The following FHOD3 variants were observed in gnomAD, a reference collection of about 807,000 sequenced individuals.
FHOD3 encodes the protein formin homology 2 domain containing 3.
In FHOD3, 90 loss-of-function variants were observed where a neutral mutation model predicts 173.0. The observed-to-expected ratio is 0.52, with a 90% CI of 0.44 to 0.62. The LOEUF (loss-of-function observed/expected upper bound fraction) is 0.62, where lower values mean the gene tolerates loss of function less well. Ranked by LOEUF, FHOD3 falls within the 20% of genes least tolerant of loss-of-function variation. FHOD3 has a pLI of 0.00. For missense variants in FHOD3, 1,945 were observed against 2,034.7 expected (o/e 0.96, Z 0.85); for synonymous variants, 828 against 823.0 (o/e 1.01, Z -0.10).
At chr18:36,324,126 G>A (rs2044544559) in intron 1 of FHOD3, among the ~76,000 whole-genome samples, 1 of 152,194 alleles carries the variant, frequency 6.6e-6, no homozygotes, top group African/African-American at 2.4e-5. Flanking sequence ...CACATGCAAT[G>A]GGACAAGATT....
At chr18:36,553,476 G>A (rs1002536426) in intron 5 of FHOD3, among the ~76,000 whole-genome samples, 8 of 152,120 alleles carry the variant, frequency 5.3e-5, no homozygotes, top group Non-Finnish European at 1.0e-4. Flanking sequence ...GTAGGCTATT[G>A]ATTATTGCCT....
intron 3 of FHOD3, among the ~76,000 whole-genome samples, chr18:36,466,367 A>T (rs2052939240): frequency 6.6e-6 from 1 of 152,194 alleles, no homozygotes; most frequent in Non-Finnish European, 1.5e-5. Context: ...TGCAGGAGAC[A>T]AGCAAGGAGG....
At chr18:36,741,498 A>C (rs2041901203) in intron 21 of FHOD3, among the ~76,000 whole-genome samples, 1 of 152,162 alleles carries the variant, frequency 6.6e-6, no homozygotes, top group African/African-American at 2.4e-5. Context: ...AGCCAGGTGC[A>C]GTGGCTCACA....
At chr18:36,760,044 C>T (rs2042804042) in intron 26 of FHOD3, among the ~76,000 whole-genome samples, 1 of 152,158 alleles carries the variant, frequency 6.6e-6, no homozygotes, top group Non-Finnish European at 1.5e-5. Context: ...CTTGAAGGGC[C>T]TCAGTTTCCT....
chr18:36,355,415 A>G (rs779446512), intron 1 of FHOD3, 124 bp from the exon 2 acceptor site: 1 of 726,172 alleles, frequency 1.4e-6, no homozygotes, highest in Non-Finnish European at 2.3e-6. Flanking sequence ...TCTTCAAGTT[A>G]TGATCCACAT....
At chr18:36,395,620 TC>T (rs1469935202) in intron 3 of FHOD3, among the ~76,000 whole-genome samples, 1 of 152,216 alleles carries the variant, frequency 6.6e-6, no homozygotes, top group Non-Finnish European at 1.5e-5. Context: ...CATGGAGTTT[TC>T]CAGAACCTCT....
chr18:36,335,427 A>G (rs62084128), intron 1 of FHOD3, among the ~76,000 whole-genome samples: 6 of 151,502 alleles, frequency 4.0e-5, no homozygotes, highest in African/African-American at 1.2e-4. Flanking sequence ...CCCGGGAGGC[A>G]GAGCTTGCAG....
chr18:36,540,958 A>G (rs1355042406), intron 5 of FHOD3, among the ~76,000 whole-genome samples: 1 of 152,210 alleles, frequency 6.6e-6, no homozygotes, highest in Non-Finnish European at 1.5e-5. Context: ...AGATTATTAA[A>G]AGAAATGTTG....
rs2148857875 is a variant in FHOD3 at position 36,630,827 on chromosome 18, A to C, written c.1196+5078A>C. Among the ~76,000 whole-genome samples the C allele has an allele frequency of 2.0e-5, 3 of 152,376 alleles. No individual in the cohort carries two copies. In the Middle Eastern group the frequency reaches 0.01, roughly 518 times the overall value. The stretch of plus-strand genomic sequence containing the variant: ...GCTAATTTTTTTCCATGTAAGTTAC[A>C]CTAGGGTTACAGAAAAATTGACTAA... On this transcript the variant is annotated intron_variant, in intron 10 of 28. Transcript: ENST00000590592.
Position 36,740,649 on chromosome 18 carries a change from T to C in FHOD3, c.3577-7T>C. The stretch of plus-strand genomic sequence containing the variant: ...AGAAAATATACTATATCATCTCCTA[T>C]TTCCAGAAAATTCTAACGATGATTC... On this transcript the variant is annotated splice_region_variant and splice_polypyrimidine_tract_variant and intron_variant, in intron 20 of 28. Transcript: ENST00000590592. 15 of 1,611,026 alleles carry C rather than the reference T, an allele frequency of 9.3e-6. No individual in the cohort carries two copies. Among genetic ancestry groups the C allele is most frequent in the Non-Finnish European group, 1.3e-5 (15 of 1,178,596 alleles).
chr18:36,493,423 G>A (rs1380086973), intron 3 of FHOD3, among the ~76,000 whole-genome samples: 1 of 152,024 alleles, frequency 6.6e-6, no homozygotes, highest in Non-Finnish European at 1.5e-5. Context: ...CTTCCTGGGG[G>A]TTCGTTTGTC....
intron 24 of FHOD3, among the ~76,000 whole-genome samples, chr18:36,749,796 C>A (rs1485935062): frequency 6.6e-6 from 1 of 152,210 alleles, no homozygotes; most frequent in Non-Finnish European, 1.5e-5. Flanking sequence ...TACACTCCCT[C>A]CAACCGAGTA....
intron 5 of FHOD3, among the ~76,000 whole-genome samples, chr18:36,536,653 G>A (rs921644130): frequency 6.6e-6 from 1 of 152,138 alleles, no homozygotes; most frequent in Non-Finnish European, 1.5e-5. Flanking sequence ...AGGCAGAGTG[G>A]GCCTGAACAG....
rs915600221 is a variant in FHOD3, at chr18:36,482,456, C to CG, written c.338-19476_338-19475insG. Among the ~76,000 whole-genome samples, 8 of 151,970 alleles carry CG rather than the reference C, an allele frequency of 5.3e-5. No individual in the cohort carries two copies. The East Asian group carries it at 1.4e-3, about 26-fold the overall frequency. On this transcript the variant is annotated intron_variant, in intron 3 of 28. Coordinates refer to ENST00000590592, the MANE Select transcript of FHOD3 (RefSeq NM_001281740.3). The stretch of plus-strand genomic sequence containing the variant: ...GCAGGGTGACCACTGCGTGACCCCC[C>CG]CGCCCCGCAAGGCATGATTGCTTAG...
At position 36,625,540 on chromosome 18, in the gene FHOD3, G is replaced by A; in HGVS notation, c.987G>A (p.Glu329=). The part of the protein sequence containing the change: ...EVALRHEDGD[E]TTEPPPSGCR... ...CGCTCAGGCACGAGGATGGCGATGA[G>A]ACCACGGAGCCACCCCCCAGTGGGT... is the stretch of plus-strand genomic sequence containing the variant. The change falls in exon 10 of 29, where the codon GAG becomes GAA. Residue 329 remains glutamate (E), a synonymous_variant. Transcript: ENST00000590592. The A allele has an allele frequency of 6.7e-7, 1 of 1,481,648 alleles. No homozygotes were observed. Among genetic ancestry groups the A allele is most frequent in the Non-Finnish European group, 9.1e-7 (1 of 1,104,328 alleles). The allele number at this position is 1,481,648 out of a possible 1,614,324, so 91.8% of individuals were successfully genotyped here. A position where few individuals can be genotyped will look rare whatever the true frequency, so the allele number is the denominator to read the frequency against.
chr18:36,545,880 T>A (rs780581783), intron 5 of FHOD3, among the ~76,000 whole-genome samples: 8 of 152,228 alleles, frequency 5.3e-5, no homozygotes, highest in Non-Finnish European at 8.8e-5. Context: ...AAAATTCTTT[T>A]TAAAAAGTTG....
In FHOD3 at chr18:36,616,303, T is replaced by C. The variant is rs76952441; in HGVS notation, c.957+4208T>C. Among the ~76,000 whole-genome samples, 157 of 152,304 alleles carry C rather than the reference T, an allele frequency of 1.0e-3. 2 individuals carry two copies. In the East Asian group the frequency reaches 0.019, roughly 19 times the overall value. ...CAGATGACCACAGATTTGGATTCCA[T>C]AGGGTCACTGTATATTCAGAGGCCA... On this transcript the variant is annotated intron_variant, in intron 9 of 28. Transcript: ENST00000590592.
chr18:36,760,799 C>CG lies in FHOD3; in HGVS notation c.4624+21dup, dbSNP rs1568745787. On this transcript the variant is annotated intron_variant, in intron 27 of 28. Transcript: ENST00000590592. ...CAAGCCGAGGTAACTCCTGGCTGCG[C>CG]GGGGCTCGTCTTGTCTTCTCAGGTT... The CG allele has an allele frequency of 6.3e-7, 1 of 1,596,666 alleles. No individual in the cohort carries two copies. The highest frequency in any genetic ancestry group is 2.2e-5 in the East Asian group (1 of 44,590).
At position 36,434,897 on chromosome 18, in the gene FHOD3, T is replaced by G. The variant is rs909562901; in HGVS notation, c.337+62153T>G. On this transcript the variant is annotated intron_variant, in intron 3 of 28. Coordinates refer to ENST00000590592, the MANE Select transcript of FHOD3 (RefSeq NM_001281740.3). ...TTTATATTAACCTTATAGCCTGCAA[T>G]TTTGCTAAACTTATTATTTCTAGTA... Among the ~76,000 whole-genome samples, 16 of 152,080 alleles carry G rather than the reference T, an allele frequency of 1.1e-4. 1 individual carries two copies. Among genetic ancestry groups the G allele is most frequent in the Admixed American group, 8.5e-4 (13 of 15,278 alleles).
Sources: gnomAD v4.1 joint callset for allele counts (sites outside exome capture counted in the v4.1 genomes callset) on GRCh38, gnomAD v4.1.1 for gene constraint, MANE v1.5 for transcripts, NCBI Gene and HGNC (gene_info 2026-07-23, HGNC 2026-07-21) for gene names.